The following EPB41L5 variants were observed in gnomAD, a reference collection of about 807,000 sequenced individuals.
EPB41L5 encodes the protein erythrocyte membrane protein band 4.1 like 5.
In EPB41L5, 55 loss-of-function variants were observed where a neutral mutation model predicts 106.6. That is an observed-to-expected ratio of 0.52 (90% confidence interval 0.42 to 0.65). EPB41L5 has a LOEUF of 0.65. EPB41L5 is among the 30% of genes least tolerant of loss of function. The pLI is 0.00. For synonymous variants in EPB41L5, 297 were observed against 306.7 expected (o/e 0.97, Z 0.33); for missense variants, 871 against 882.1 (o/e 0.99, Z 0.16).
chr2:120,072,850 C>T (rs1033684337), intron 3 of EPB41L5, among the ~76,000 whole-genome samples: 2 of 151,674 alleles, frequency 1.3e-5, no homozygotes, highest in East Asian at 1.9e-4. Flanking sequence ...TTGATGGGTG[C>T]AGCAAACCAC....
chr2:120,084,051 T>C (rs1682884833), intron 10 of EPB41L5, among the ~76,000 whole-genome samples: 1 of 152,334 alleles, frequency 6.6e-6, no homozygotes, highest in Admixed American at 6.5e-5. Context: ...TGACTCTTTA[T>C]CCAATTTGCC....
chr2:120,042,214 T>C lies in EPB41L5; in HGVS notation c.285+104T>C, dbSNP rs374929561. The C allele has an allele frequency of 2.2e-5, 18 of 822,630 alleles. No individual in the cohort carries two copies. In the East Asian group the frequency reaches 4.8e-4, roughly 22 times the overall value. The allele number at this position is 822,630 out of a possible 1,614,324, so 51.0% of individuals were successfully genotyped here. A position where few individuals can be genotyped will look rare whatever the true frequency, so the allele number is the denominator to read the frequency against. ...GCTTCCTATTCTTGATGTGTTATTG[T>C]GATATAAAGCTTTGACACCGCTCCC... On this transcript the variant is annotated intron_variant, in intron 3 of 24. Coordinates refer to ENST00000263713, the MANE Select transcript of EPB41L5 (RefSeq NM_020909.4).
At chr2:120,127,882 TA>T (rs747449800) in intron 17 of EPB41L5, 31 bp downstream of exon 17, 80 of 1,503,694 alleles carry the variant, frequency 5.3e-5, no homozygotes, top group Admixed American at 1.2e-4. Context: ...ACATCAGTGA[TA>T]CCTTTTTATC....
At chr2:120,144,273 A>G (rs1686306305) in intron 19 of EPB41L5, among the ~76,000 whole-genome samples, 1 of 152,222 alleles carries the variant, frequency 6.6e-6, no homozygotes, top group African/African-American at 2.4e-5. Context: ...GGATGCAGTG[A>G]GAAGGCGCCA....
At chr2:120,172,962 T>G (rs1040653702) in intron 24 of EPB41L5, among the ~76,000 whole-genome samples, 2 of 152,054 alleles carry the variant, frequency 1.3e-5, no homozygotes, top group African/African-American at 4.8e-5. Flanking sequence ...ATGAGAGATT[T>G]GTATAGAAAA....
At chr2:120,158,057 G>A (rs1051522801) in intron 20 of EPB41L5, among the ~76,000 whole-genome samples, 4 of 152,106 alleles carry the variant, frequency 2.6e-5, no homozygotes, top group Non-Finnish European at 5.9e-5. Context: ...GGAAGAAATT[G>A]AAACCTGAAC....
At chr2:120,167,770 C>A (rs1253578429) in intron 23 of EPB41L5, 107 bp from the exon 24 acceptor site, 25 of 1,360,502 alleles carry the variant, frequency 1.8e-5, no homozygotes, top group Non-Finnish European at 2.4e-5. Context: ...ATTATCAAAA[C>A]CATCTTCGTT....
intron 20 of EPB41L5, among the ~76,000 whole-genome samples, chr2:120,154,759 T>C (rs577980511): frequency 6.6e-6 from 1 of 152,024 alleles, no homozygotes; most frequent in Non-Finnish European, 1.5e-5. Flanking sequence ...ACCCCGTCTC[T>C]GCTAAAAATA....
chr2:120,138,134 AAAC>A (rs1350397834), intron 18 of EPB41L5, among the ~76,000 whole-genome samples: 6 of 152,104 alleles, frequency 3.9e-5, no homozygotes, highest in Middle Eastern at 3.2e-3. Context: ...GATGCTGAAA[AAAC>A]ATTTGATAAA....
At chr2:120,092,825 T>C (rs1683502985) in intron 13 of EPB41L5, among the ~76,000 whole-genome samples, 1 of 152,226 alleles carries the variant, frequency 6.6e-6, no homozygotes, top group Non-Finnish European at 1.5e-5. Context: ...TACAGATTGG[T>C]TCTGTTTAAA....
chr2:120,032,055 G>T (rs903512934), intron 2 of EPB41L5, among the ~76,000 whole-genome samples: 3 of 152,088 alleles, frequency 2.0e-5, no homozygotes, highest in Non-Finnish European at 4.4e-5. Context: ...GGGTTCAGAG[G>T]CATGACTTAT....
intron 10 of EPB41L5, among the ~76,000 whole-genome samples, chr2:120,085,592 G>T (rs1683001404): frequency 6.6e-6 from 1 of 152,216 alleles, no homozygotes; most frequent in Admixed American, 6.5e-5. Flanking sequence ...TCCGTTCTCA[G>T]ATCTCAAACT....
intron 16 of EPB41L5, among the ~76,000 whole-genome samples, chr2:120,121,279 G>C (rs1300915049): frequency 6.6e-6 from 1 of 152,120 alleles, no homozygotes; most frequent in Non-Finnish European, 1.5e-5. Context: ...AGGTATACTT[G>C]TGCCATGTTG....
At chr2:120,131,780 C>A in intron 18 of EPB41L5, 65 bp downstream of exon 18, 2 of 1,201,674 alleles carry the variant, frequency 1.7e-6, no homozygotes, top group Non-Finnish European at 1.2e-6. Context: ...TATTTTCTTT[C>A]CAAAGACAGT....
chr2:120,084,488 A>T (rs1274213490), intron 10 of EPB41L5, among the ~76,000 whole-genome samples: 1 of 152,150 alleles, frequency 6.6e-6, no homozygotes, highest in Non-Finnish European at 1.5e-5. Flanking sequence ...TTCTGCCGAG[A>T]GATCTGCTGT....
intron 20 of EPB41L5, among the ~76,000 whole-genome samples, chr2:120,154,184 G>A (rs1686802089): frequency 6.6e-6 from 1 of 150,528 alleles, no homozygotes; most frequent in East Asian, 1.9e-4. Flanking sequence ...TTGAGACCAA[G>A]TTTCACTCTT....
intron 17 of EPB41L5, 104 bp downstream of exon 17, chr2:120,127,955 TTTTAAA>T: frequency 9.2e-7 from 1 of 1,085,618 alleles, no homozygotes; most frequent in Non-Finnish European, 1.3e-6. Flanking sequence ...CTAGTTCAAC[TTTTAAA>T]TTTAATTCAG....
intron 16 of EPB41L5, chr2:120,106,287 T>C: frequency 1.0e-6 from 1 of 985,384 alleles, no homozygotes; most frequent in Non-Finnish European, 1.2e-6. Context: ...GGCTGGATGG[T>C]AGTAAAATTA....
intron 14 of EPB41L5, among the ~76,000 whole-genome samples, chr2:120,095,242 T>G (rs1296606091): frequency 6.6e-6 from 1 of 152,224 alleles, no homozygotes; most frequent in African/African-American, 2.4e-5. Flanking sequence ...ATTATCCTGA[T>G]GGACTGTTCC....
Sources: gnomAD v4.1 joint callset for allele counts (sites outside exome capture counted in the v4.1 genomes callset) on GRCh38, gnomAD v4.1.1 for gene constraint, MANE v1.5 for transcripts, NCBI Gene and HGNC (gene_info 2026-07-23, HGNC 2026-07-21) for gene names.